The following ADGRV1 variants were observed in gnomAD, a reference collection of about 807,000 sequenced individuals.
The protein encoded by ADGRV1 is adhesion G protein-coupled receptor V1.
A neutral mutation model predicts 596.2 loss-of-function variants in ADGRV1; 359 were observed. That is an observed-to-expected ratio of 0.60 (90% CI 0.55 to 0.66). The LOEUF (loss-of-function observed/expected upper bound fraction) is 0.66, where lower values mean the gene tolerates loss of function less well. Ranked by LOEUF, ADGRV1 falls within the 30% of genes least tolerant of loss-of-function variation. The pLI is 0.00. For synonymous variants in ADGRV1, 2,681 were observed against 2,679.2 expected (o/e 1.00, Z -0.02); for missense variants, 7,274 against 7,575.6 (o/e 0.96, Z 1.48).
chr5:90,776,665 T>C (rs1758274104), intron 61 of ADGRV1, 89 bp downstream of exon 61: 2 of 1,351,904 alleles, frequency 1.5e-6, no homozygotes, highest in Admixed American at 3.5e-5. Context: ...TCTCAATACA[T>C]ACATAGTCTT....
At chr5:90,803,742 A>G (rs1175615023) in intron 71 of ADGRV1, among the ~76,000 whole-genome samples, 1 of 150,506 alleles carries the variant, frequency 6.6e-6, no homozygotes, top group Non-Finnish European at 1.5e-5. Flanking sequence ...TTTTTTCTTT[A>G]CCTCCTCTTC....
chr5:90,565,613 T>C (rs1755541195), intron 1 of ADGRV1, among the ~76,000 whole-genome samples: 2 of 152,222 alleles, frequency 1.3e-5, no homozygotes, highest in South Asian at 4.1e-4. Context: ...TGGTTTTACT[T>C]TTTGACTATT....
At chr5:90,785,824 A>G (rs780841881) in intron 67 of ADGRV1, among the ~76,000 whole-genome samples, 1 of 152,218 alleles carries the variant, frequency 6.6e-6, no homozygotes, top group Non-Finnish European at 1.5e-5. Context: ...GAGTTCAACC[A>G]TTATGGAAGA....
intron 85 of ADGRV1, among the ~76,000 whole-genome samples, chr5:91,019,303 G>A (rs1434903910): frequency 6.6e-6 from 1 of 152,024 alleles, no homozygotes; most frequent in African/African-American, 2.4e-5. Flanking sequence ...CTGTTACACA[G>A]GTACACCATA....
intron 73 of ADGRV1, among the ~76,000 whole-genome samples, chr5:90,808,817 G>A (rs1318770473): frequency 1.3e-5 from 2 of 152,054 alleles, no homozygotes; most frequent in Non-Finnish European, 2.9e-5. Context: ...AATCGCTTGA[G>A]CCCAGGAGGC....
chr5:90,587,352 C>G (rs1318152637), intron 1 of ADGRV1, among the ~76,000 whole-genome samples: 1 of 152,014 alleles, frequency 6.6e-6, no homozygotes, highest in East Asian at 1.9e-4. Context: ...TGGTTAGAGG[C>G]AAAAGTCTGG....
rs1182788498 is a variant in ADGRV1 at position 90,756,568 on chromosome 5, G to A, written c.11695G>A (p.Ala3899Thr). Residue 3899 changes from alanine to threonine, a missense_variant, in exon 56 of 90, where the codon GCT becomes ACT. Ala to Thr is a moderately conservative substitution (Grantham distance 58). Coordinates refer to ENST00000405460, the MANE Select transcript of ADGRV1 (RefSeq NM_032119.4). ...PSVRRPGMEI[A>T]EIMIEENDDP... ...TGTGCGGAGGCCCGGAATGGAAATA[G>A]CTGAGATAATGATAGAAGAAAATGA... 6.2e-7 allele frequency: 1 copy of A among 1,613,646 alleles called. No homozygotes were observed. The highest frequency in any genetic ancestry group is 8.5e-7 in the Non-Finnish European group (1 of 1,179,718).
chr5:90,939,903 C>CAT (rs1776028174), intron 83 of ADGRV1, among the ~76,000 whole-genome samples: 1 of 152,134 alleles, frequency 6.6e-6, no homozygotes, highest in African/African-American at 2.4e-5. Context: ...AGAGATTAGA[C>CAT]ATATATATGT....
At chr5:91,150,769 G>GA (rs1187093052) in intron 88 of ADGRV1, among the ~76,000 whole-genome samples, 1 of 152,138 alleles carries the variant, frequency 6.6e-6, no homozygotes, top group Admixed American at 6.5e-5. Flanking sequence ...AGCACTATTG[G>GA]AAAATCTAGC....
intron 38 of ADGRV1, among the ~76,000 whole-genome samples, chr5:90,707,976 G>A (rs1436903386): frequency 6.6e-6 from 1 of 151,926 alleles, no homozygotes; most frequent in Non-Finnish European, 1.5e-5. Flanking sequence ...AACTCATGTT[G>A]GTCCATATAT....
At chr5:90,576,413 T>C (rs528387966) in intron 1 of ADGRV1, among the ~76,000 whole-genome samples, 2 of 152,274 alleles carry the variant, frequency 1.3e-5, no homozygotes, top group South Asian at 4.1e-4. Flanking sequence ...GGTTTCCAGC[T>C]TCATCCATAT....
At chr5:90,882,448 A>T (rs1769885473) in intron 83 of ADGRV1, among the ~76,000 whole-genome samples, 1 of 152,200 alleles carries the variant, frequency 6.6e-6, no homozygotes, top group African/African-American at 2.4e-5. Context: ...GGAGCTGTAA[A>T]TCTAACATAC....
intron 86 of ADGRV1, among the ~76,000 whole-genome samples, chr5:91,073,321 G>GGATC (rs766674240): frequency 6.6e-6 from 1 of 152,156 alleles, no homozygotes; most frequent in Non-Finnish European, 1.5e-5. Flanking sequence ...TGGGAGTAGA[G>GGATC]GATCCCTCTT....
chr5:91,147,916 G>A (rs1467792226), intron 87 of ADGRV1, among the ~76,000 whole-genome samples: 51 of 152,156 alleles, frequency 3.4e-4, no homozygotes, highest in Admixed American at 3.3e-3. Flanking sequence ...TAGTGATGTG[G>A]ACAATGAAAT....
intron 60 of ADGRV1, among the ~76,000 whole-genome samples, chr5:90,775,297 G>A (rs1371140510): frequency 1.3e-5 from 2 of 152,022 alleles, no homozygotes; most frequent in Admixed American, 6.6e-5. Context: ...ATTTTATTTA[G>A]GATATTTTCC....
intron 9 of ADGRV1, among the ~76,000 whole-genome samples, chr5:90,633,693 A>G (rs891537164): frequency 6.6e-6 from 1 of 152,072 alleles, no homozygotes; most frequent in African/African-American, 2.4e-5. Context: ...TTATCTTTAC[A>G]TTTTATCTAC....
At chr5:90,754,039 G>C (rs1755559316) in intron 54 of ADGRV1, among the ~76,000 whole-genome samples, 1 of 152,020 alleles carries the variant, frequency 6.6e-6, no homozygotes, top group South Asian at 2.1e-4. Flanking sequence ...TCTTTTAAAA[G>C]ATACATTATA....
At position 90,706,343 on chromosome 5, in the gene ADGRV1, G is replaced by C; in HGVS notation, c.8679G>C (p.Leu2893=). 6.2e-7 allele frequency: 1 copy of C among 1,612,056 alleles called. No individual in the cohort carries two copies. Among genetic ancestry groups the C allele is most frequent in the Non-Finnish European group, 8.5e-7 (1 of 1,179,130 alleles). Residue 2893 remains leucine (L), a synonymous_variant, in exon 38 of 90, where the codon CTG becomes CTC. Transcript: ENST00000405460. ...EVDFVPIIGF[L]ILEEGETAAA... The stretch of plus-strand genomic sequence containing the variant: ...ATTTTGTCCCTATCATTGGCTTTCT[G>C]ATTTTAGAAGAAGGGGAAACAGCAG...
At chr5:91,101,429 A>C (rs1181765064) in intron 86 of ADGRV1, among the ~76,000 whole-genome samples, 1 of 152,178 alleles carries the variant, frequency 6.6e-6, no homozygotes, top group Non-Finnish European at 1.5e-5. Context: ...ATGTCTTTCA[A>C]CAGCTTGAAA....
Sources: gnomAD v4.1 joint callset for allele counts (sites outside exome capture counted in the v4.1 genomes callset) on GRCh38, gnomAD v4.1.1 for gene constraint, MANE v1.5 for transcripts, NCBI Gene and HGNC (gene_info 2026-07-23, HGNC 2026-07-21) for gene names.